GRIP1: variants seen among roughly 807,000 people sequenced by gnomAD.
GRIP1 encodes glutamate receptor-interacting protein 1.
GRIP1 carries 45 observed loss-of-function variants against 129.9 expected under a neutral mutation model. The observed-to-expected ratio is 0.35, with a 90% confidence interval of 0.27 to 0.44. The LOEUF (loss-of-function observed/expected upper bound fraction) is 0.44, where lower values mean the gene tolerates loss of function less well. GRIP1 is among the 20% of genes least tolerant of loss of function. The probability of loss-of-function intolerance (pLI) is 1.00; values close to 1 mark genes in which losing one functional copy is unlikely to be tolerated. For missense variants in GRIP1, 1,196 were observed against 1,396.8 expected, an observed-to-expected ratio of 0.86 and a Z score of 2.29; for synonymous variants, 530 against 520.8, an observed-to-expected ratio of 1.02 and a Z score of -0.24.
intron 1 of GRIP1, among the ~76,000 whole-genome samples, chr12:67,025,168 G>A (rs987324791): frequency 1.1e-4 from 16 of 152,164 alleles, no homozygotes; most frequent in African/African-American, 3.6e-4. Context: ...GTGAAACCTC[G>A]TCTCTACTAA....
In GRIP1 at chr12:66,377,266, T is replaced by C. The variant is rs1565679294; in HGVS notation, c.2641A>G (p.Ser881Gly). ...TTCTCCTCTTGTTCTGTCTCTGCAC[T>C]ATCGGCAGCCCCTGCAAAACTGTTG... ...TASGFAGAADSAETEQEENFW... is the reference protein window; with the variant it reads ...TASGFAGAADGAETEQEENFW... The change falls in exon 21 of 25, where the codon AGT (serine) becomes GGT (glycine). Residue 881 changes from serine (S) to glycine (G), a missense_variant. Ser to Gly is a moderately conservative substitution (Grantham distance 56). Around this residue, in one of 5 missense-constraint regions of GRIP1, gnomAD observed 427 missense variants for 463.3 expected, o/e 0.92. Coordinates refer to ENST00000359742, the MANE Select transcript of GRIP1 (RefSeq NM_001366722.1). 6.2e-7 allele frequency: 1 copy of C among 1,611,880 alleles called. No individual in the cohort carries two copies. The highest frequency in any genetic ancestry group is 8.5e-7 in the Non-Finnish European group (1 of 1,178,090).
intron 24 of GRIP1, among the ~76,000 whole-genome samples, chr12:66,351,906 T>C (rs561836484): frequency 1.3e-5 from 2 of 151,184 alleles, no homozygotes; most frequent in African/African-American, 2.4e-5. Context: ...TTGGGATACA[T>C]TCTCTAGGTG....
intron 1 of GRIP1, among the ~76,000 whole-genome samples, chr12:66,778,291 T>C (rs571770277): frequency 7.9e-5 from 12 of 152,172 alleles, no homozygotes; most frequent in African/African-American, 2.7e-4. Context: ...CACAGACATA[T>C]TATTAAAAGT....
chr12:67,047,844 C>A (rs1210920237), intron 1 of GRIP1, among the ~76,000 whole-genome samples: 1 of 152,120 alleles, frequency 6.6e-6, no homozygotes, highest in Non-Finnish European at 1.5e-5. Context: ...ACATCCTATA[C>A]CTATCATCAA....
intron 1 of GRIP1, among the ~76,000 whole-genome samples, chr12:66,736,861 G>T (rs2036618736): frequency 6.6e-6 from 1 of 151,714 alleles, no homozygotes; most frequent in Non-Finnish European, 1.5e-5. Context: ...TTCTGGAAAA[G>T]TAGTCTGCAA....
At chr12:66,503,094 C>A (rs1318594898) in intron 7 of GRIP1, among the ~76,000 whole-genome samples, 1 of 152,066 alleles carries the variant, frequency 6.6e-6, no homozygotes, top group African/African-American at 2.4e-5. Flanking sequence ...AGATAATCTC[C>A]TGACGGTCCA....
chr12:66,660,862 T>G (rs1316839017), intron 1 of GRIP1, among the ~76,000 whole-genome samples: 1 of 152,052 alleles, frequency 6.6e-6, no homozygotes, highest in Non-Finnish European at 1.5e-5. Context: ...GAGCATCCAA[T>G]AAATTTGTGT....
intron 7 of GRIP1, among the ~76,000 whole-genome samples, chr12:66,479,711 C>CT (rs1263464670): frequency 1.3e-5 from 2 of 152,132 alleles, no homozygotes; most frequent in African/African-American, 4.8e-5. Context: ...ACATCAAAAG[C>CT]TTATCCACAA....
chr12:66,575,098 C>G (rs796983883), intron 2 of GRIP1, among the ~76,000 whole-genome samples: 3 of 152,292 alleles, frequency 2.0e-5, no homozygotes, highest in African/African-American at 7.2e-5. Context: ...AACAGTGAAT[C>G]AGAGTTGGGA....
At chr12:66,827,385 T>TGAGA (rs1349679049) in intron 1 of GRIP1, among the ~76,000 whole-genome samples, 19 of 71,494 alleles carry the variant, frequency 2.7e-4, no homozygotes, top group African/African-American at 5.2e-4. Context: ...TGTGTGTGTG[T>TGAGA]GTGAGAGAGA....
intron 1 of GRIP1, among the ~76,000 whole-genome samples, chr12:66,936,048 AACACC>A (rs1209850366): frequency 1.3e-5 from 2 of 152,210 alleles, no homozygotes; most frequent in Non-Finnish European, 2.9e-5. Context: ...AAAAACTCTG[AACACC>A]AAGTCTCCAG....
At chr12:66,917,650 G>A (rs1471160688) in intron 1 of GRIP1, among the ~76,000 whole-genome samples, 1 of 152,084 alleles carries the variant, frequency 6.6e-6, no homozygotes, top group Non-Finnish European at 1.5e-5. Context: ...AAATATTGCA[G>A]AGGGGAAATT....
chr12:66,890,761 G>T (rs972392298), intron 1 of GRIP1, among the ~76,000 whole-genome samples: 1 of 152,204 alleles, frequency 6.6e-6, no homozygotes, highest in African/African-American at 2.4e-5. Context: ...ATCTGAAAAA[G>T]AAATTATCTG....
At chr12:66,431,121 T>C (rs1182751505) in intron 14 of GRIP1, among the ~76,000 whole-genome samples, 2 of 152,182 alleles carry the variant, frequency 1.3e-5, no homozygotes, top group Admixed American at 6.5e-5. Flanking sequence ...GCAGAAGCCA[T>C]CTTGAGCCCT....
intron 1 of GRIP1, among the ~76,000 whole-genome samples, chr12:66,782,456 A>G (rs1050914958): frequency 5.3e-4 from 80 of 152,338 alleles, no homozygotes; most frequent in African/African-American, 1.9e-3. Flanking sequence ...TCTTTCCCTG[A>G]CATAAAGGAA....
chr12:66,539,361 C>T, intron 3 of GRIP1, 138 bp from the exon 4 acceptor site: 2 of 1,103,032 alleles, frequency 1.8e-6, no homozygotes, highest in Non-Finnish European at 2.7e-6. Flanking sequence ...TCCCTGCCTC[C>T]TAGGAGACGG....
intron 1 of GRIP1, among the ~76,000 whole-genome samples, chr12:66,979,488 C>T (rs1174267447): frequency 6.6e-6 from 1 of 152,044 alleles, no homozygotes; most frequent in African/African-American, 2.4e-5. Context: ...AAACACCTCT[C>T]AACCCCTCTG....
In GRIP1 at chr12:66,610,536, G is replaced by C. The variant is rs182174145; in HGVS notation, c.56-13609C>G. 2.0e-4 allele frequency among the ~76,000 whole-genome samples: 30 copies of C among 152,222 alleles called. No homozygotes were observed. The East Asian group carries it at 5.0e-3, about 26-fold the overall frequency. ...AGAGCCAATGGTAAGAACCAAGATAGTACAGAGCTTCTGTACTATACCAGG... is the reference window on the plus strand; with the variant it reads ...AGAGCCAATGGTAAGAACCAAGATACTACAGAGCTTCTGTACTATACCAGG... On this transcript the variant is annotated intron_variant, in intron 1 of 24. Transcript: ENST00000359742.
At chr12:66,837,614 G>A (rs933527738) in intron 1 of GRIP1, among the ~76,000 whole-genome samples, 1 of 152,124 alleles carries the variant, frequency 6.6e-6, no homozygotes, top group Non-Finnish European at 1.5e-5. Flanking sequence ...AGCAATGAAA[G>A]GCCATTGAAA....
Sources: allele counts gnomAD v4.1 joint callset (sites outside exome capture counted in the v4.1 genomes callset), GRCh38; gene constraint gnomAD v4.1.1; regional missense constraint gnomAD v4.1.1; transcripts MANE v1.5; gene names NCBI Gene and HGNC (gene_info 2026-07-23, HGNC 2026-07-21).